The following UGT2B4 variants were observed in gnomAD, a reference collection of about 807,000 sequenced individuals.
UGT2B4 encodes the protein UDP-glucuronosyltransferase 2B4.
UGT2B4 carries 49 observed loss-of-function variants against 49.8 expected under a neutral mutation model. That is an observed-to-expected ratio of 0.98 (90% CI 0.78 to 1.25). The LOEUF (loss-of-function observed/expected upper bound fraction) is 1.25, where lower values mean the gene tolerates loss of function less well. Ranked by LOEUF, UGT2B4 falls within the 50% of genes most tolerant of loss-of-function variation. The pLI is 0.00. For synonymous variants in UGT2B4, 246 were observed against 217.7 expected, an observed-to-expected ratio of 1.13 and a Z score of -1.14; for missense variants, 729 against 627.7, an observed-to-expected ratio of 1.16 and a Z score of -1.73.
chr4:69,486,597 T>C lies in UGT2B4; in HGVS notation c.1090+12A>G. On this transcript the variant is annotated intron_variant, in intron 4 of 5. Coordinates refer to ENST00000305107, the MANE Select transcript of UGT2B4 (RefSeq NM_021139.3). ...TACTAATATATTCAGTATTTGTTCT[T>C]CAGAGACTTACCAAGAAGATCATTC... is the stretch of plus-strand genomic sequence containing the variant. 6.4e-7 allele frequency: 1 copy of C among 1,568,416 alleles called. No individual in the cohort carries two copies. The highest frequency in any genetic ancestry group is 8.7e-7 in the Non-Finnish European group (1 of 1,153,376).
intron 1 of UGT2B4, among the ~76,000 whole-genome samples, chr4:69,521,987 T>C (rs775920991): frequency 1.3e-5 from 2 of 152,192 alleles, no homozygotes; most frequent in African/African-American, 2.4e-5. Flanking sequence ...ATAACACTGA[T>C]GATTTAACGG....
chr4:69,499,261 T>G (rs1728241836), upstream of UGT2B4, among the ~76,000 whole-genome samples: 1 of 152,212 alleles, frequency 6.6e-6, no homozygotes, highest in South Asian at 2.1e-4. Context: ...TTTCATTTGC[T>G]AAGGAGTGTT....
intron 1 of UGT2B4, among the ~76,000 whole-genome samples, chr4:69,505,720 A>C (rs1466945863): frequency 6.6e-6 from 1 of 152,194 alleles, no homozygotes; most frequent in Admixed American, 6.5e-5. Context: ...TAAACCTGAT[A>C]GATATCTGCA....
chr4:69,512,858 G>T (rs530828991), intron 1 of UGT2B4, among the ~76,000 whole-genome samples: 30 of 152,078 alleles, frequency 2.0e-4, no homozygotes, highest in Admixed American at 1.7e-3. Flanking sequence ...TTTTTTTCAC[G>T]TTTGTTGGCC....
At chr4:69,521,868 A>C (rs1266757500) in intron 1 of UGT2B4, among the ~76,000 whole-genome samples, 1 of 152,240 alleles carries the variant, frequency 6.6e-6, no homozygotes, top group Non-Finnish European at 1.5e-5. Flanking sequence ...TTATAAGCAG[A>C]ATATAACAAT....
At chr4:69,525,189 G>C (rs929961858) in intron 1 of UGT2B4, among the ~76,000 whole-genome samples, 5 of 152,146 alleles carry the variant, frequency 3.3e-5, no homozygotes, top group Non-Finnish European at 7.3e-5. Context: ...ATCAACTCTT[G>C]TTGCCAAACA....
chr4:69,480,515 G>T lies in UGT2B4; in HGVS notation c.*119C>A. 2 of 1,470,902 alleles carry T rather than the reference G, an allele frequency of 1.4e-6. No individual in the cohort carries two copies. The highest frequency in any genetic ancestry group is 1.8e-6 in the Non-Finnish European group (2 of 1,099,104). 91.1% of individuals were successfully genotyped at this position (1,470,902 alleles called of 1,614,324 possible). On this transcript the variant is annotated 3_prime_UTR_variant, in exon 6 of 6. Transcript: ENST00000305107. ...AACAAATTTTGACTTGACAAGGTAAGTTTTGAAAGATGTTTTGTCACAAGA... is the reference window on the plus strand; with the variant it reads ...AACAAATTTTGACTTGACAAGGTAATTTTTGAAAGATGTTTTGTCACAAGA...
chr4:69,489,645 AAG>A (rs1220269706), intron 2 of UGT2B4, 75 bp from the exon 3 acceptor site: 4 of 1,534,248 alleles, frequency 2.6e-6, no homozygotes, highest in African/African-American at 1.4e-5. Flanking sequence ...TTGTTATAAA[AAG>A]AGAGAAAATC....
chr4:69,514,438 G>T (rs1335924453), intron 1 of UGT2B4, among the ~76,000 whole-genome samples: 1 of 152,098 alleles, frequency 6.6e-6, no homozygotes, highest in Non-Finnish European at 1.5e-5. Context: ...CTTCCTATTG[G>T]AATACCTTTT....
intron 1 of UGT2B4, among the ~76,000 whole-genome samples, chr4:69,501,483 A>G (rs750491178): frequency 6.6e-6 from 1 of 152,124 alleles, no homozygotes; most frequent in African/African-American, 2.4e-5. Flanking sequence ...CGACTTAGCA[A>G]TTTCAACTTG....
upstream of UGT2B4, among the ~76,000 whole-genome samples, chr4:69,499,069 T>G (rs1560437790): frequency 6.6e-6 from 1 of 152,204 alleles, no homozygotes; most frequent in Non-Finnish European, 1.5e-5. Context: ...TGTCTTTTTG[T>G]TCTCACTGGT....
At chr4:69,486,724 C>A (rs765513801) in intron 3 of UGT2B4, 28 bp from the exon 4 acceptor site, 13 of 1,524,530 alleles carry the variant, frequency 8.5e-6, no homozygotes, top group Middle Eastern at 1.7e-4. Context: ...ATATCTTATT[C>A]CATGAGTGGA....
chr4:69,511,399 C>T (rs1293283694), intron 1 of UGT2B4, among the ~76,000 whole-genome samples: 4 of 152,102 alleles, frequency 2.6e-5, no homozygotes, highest in African/African-American at 4.8e-5. Flanking sequence ...CTATCTGCAT[C>T]TGCCGAGATG....
In UGT2B4 at chr4:69,485,434, T is replaced by G. The variant is rs375202184; in HGVS notation, c.1091-7A>C. 6.2e-7 allele frequency: 1 copy of G among 1,613,378 alleles called. No individual in the cohort carries two copies. The highest frequency in any genetic ancestry group is 1.3e-5 in the African/African-American group (1 of 74,862). On this transcript the variant is annotated splice_region_variant and splice_polypyrimidine_tract_variant and intron_variant, in intron 4 of 5. Coordinates refer to ENST00000305107, the MANE Select transcript of UGT2B4 (RefSeq NM_021139.3). ...GCTCTGGTTTTTGGGTGACCTAGGA[T>G]TGGATGAATTTTAGCAAAATTATTC...
At chr4:69,512,534 G>T (rs1728631725) in intron 1 of UGT2B4, among the ~76,000 whole-genome samples, 1 of 151,986 alleles carries the variant, frequency 6.6e-6, no homozygotes, top group Admixed American at 6.6e-5. Context: ...TCTTAAATTT[G>T]TTAACATTTG....
chr4:69,512,011 A>AT (rs1728617215), intron 1 of UGT2B4, among the ~76,000 whole-genome samples: 1 of 151,074 alleles, frequency 6.6e-6, no homozygotes, highest in South Asian at 2.1e-4. Flanking sequence ...TGCCTCTTTC[A>AT]TTTTTTATTT....
rs1259714505 is a variant in UGT2B4 at position 69,510,982 on chromosome 4, C to CTTTT, written c.-106+14701_-106+14704dup. ...GCTTTTCATAAATACTCTTTCTTTT[C>CTTTT]TTTTCTTCTTTTTTTTTTTTTTTTT... On this transcript the variant is annotated intron_variant, in intron 1 of 1. Coordinates refer to the UGT2B4 transcript ENST00000510114. 5.7e-4 allele frequency among the ~76,000 whole-genome samples: 63 copies of CTTTT among 110,990 alleles called. 3 individuals are homozygous for CTTTT. Among genetic ancestry groups the CTTTT allele is most frequent in the East Asian group, 1.0e-3 (3 of 2,942 alleles). The allele number at this position is 110,990 out of a possible 152,430, so 72.8% of individuals were successfully genotyped here.
In UGT2B4 at chr4:69,493,698, G is replaced by C. The variant is rs761187413; in HGVS notation, c.865C>G (p.Pro289Ala). 1 of 1,606,040 alleles carries C rather than the reference G, an allele frequency of 6.2e-7. No homozygotes were observed. The highest frequency in any genetic ancestry group is 1.1e-5 in the South Asian group (1 of 89,116). The change falls in exon 2 of 6, where the codon CCG becomes GCG. Residue 289 changes from proline to alanine, a missense_variant. By Grantham distance (27) the Pro-to-Ala change is conservative. Transcript: ENST00000305107. ...AACAAACAGTAATAGTTTACCTTCGGTAGGGGTTTGGCAGGTTTGCAGTGG... is the reference window on the plus strand; with the variant it reads ...AACAAACAGTAATAGTTTACCTTCGCTAGGGGTTTGGCAGGTTTGCAGTGG... ...GLHCKPAKPL[P>A]KEMEEFVQSS...
In UGT2B4 at chr4:69,480,596, C is replaced by A. The variant is rs375773104; in HGVS notation, c.*38G>T. 1.9e-6 allele frequency: 3 copies of A among 1,597,230 alleles called. No homozygotes were observed. The highest frequency in any genetic ancestry group is 2.7e-5 in the African/African-American group (2 of 74,392). On this transcript the variant is annotated 3_prime_UTR_variant, in exon 6 of 6. Transcript: ENST00000305107. ...CTTGTTGTAATAAACTAAAGGAGTT[C>A]ATTTATTGGGTTTCCCAGCTTCCAG...
Sources: allele counts gnomAD v4.1 joint callset (sites outside exome capture counted in the v4.1 genomes callset), GRCh38; gene constraint gnomAD v4.1.1; transcripts MANE v1.5; gene names NCBI Gene and HGNC (gene_info 2026-07-23, HGNC 2026-07-21).